The following SLX4IP variants were observed in gnomAD, a reference collection of about 807,000 sequenced individuals.
SLX4IP encodes protein SLX4IP.
SLX4IP carries 34 observed loss-of-function variants against 32.9 expected under a neutral mutation model. The ratio of observed to expected loss-of-function variants is 1.03; its 90% CI spans 0.79 to 1.38. The LOEUF (loss-of-function observed/expected upper bound fraction) is 1.38. SLX4IP is among the 40% of genes most tolerant of loss of function. The probability of loss-of-function intolerance (pLI) is 0.00; values close to 1 mark genes in which losing one functional copy is unlikely to be tolerated. For missense variants in SLX4IP, 444 were observed against 479.0 expected, an observed-to-expected ratio of 0.93 and a Z score of 0.68; for synonymous variants, 172 against 171.7, an observed-to-expected ratio of 1.00 and a Z score of -0.01.
intron 2 of SLX4IP, among the ~76,000 whole-genome samples, chr20:10,543,387 G>T (rs540421199): frequency 5.9e-5 from 9 of 152,312 alleles, no homozygotes; most frequent in Non-Finnish European, 1.3e-4. Flanking sequence ...TAGGCAATTG[G>T]ATATATGCCT....
Position 10,622,819 on chromosome 20 carries a change from A to G in SLX4IP, c.667A>G (p.Lys223Glu). 6.2e-7 allele frequency: 1 copy of G among 1,614,166 alleles called. No individual in the cohort carries two copies. Among genetic ancestry groups the G allele is most frequent in the East Asian group, 2.2e-5 (1 of 44,870 alleles). The stretch of plus-strand genomic sequence containing the variant: ...CCCATCAGAATCCATGGGACAAGCA[A>G]AGGATTCCATAAAGGCAGCTGAGAG... The part of the protein sequence containing the change: ...SPPSESMGQA[K>E]DSIKAAESHW... Residue 223 changes from lysine to glutamate, a missense_variant, in exon 8 of 8, where the codon AAG (lysine) becomes GAG (glutamate). Physicochemically the swap from Lys to Glu is moderately conservative, Grantham distance 56 (BLOSUM62 1). Transcript: ENST00000334534.
At chr20:10,475,112 C>T (rs2065463988) in intron 2 of SLX4IP, among the ~76,000 whole-genome samples, 1 of 152,214 alleles carries the variant, frequency 6.6e-6, no homozygotes, top group African/African-American at 2.4e-5. Flanking sequence ...TCAGGGCTTT[C>T]AGCAGAGTTC....
chr20:10,563,538 G>C (rs556724545), intron 4 of SLX4IP, among the ~76,000 whole-genome samples: 2 of 151,986 alleles, frequency 1.3e-5, no homozygotes, highest in African/African-American at 4.8e-5. Flanking sequence ...TTAGTTTTTG[G>C]GTCTTAAATT....
chr20:10,526,586 C>G (rs2065942226), intron 2 of SLX4IP, among the ~76,000 whole-genome samples: 1 of 152,110 alleles, frequency 6.6e-6, no homozygotes, highest in South Asian at 2.1e-4. Flanking sequence ...GATGACATAA[C>G]AAATTGCCAC....
At chr20:10,453,688 A>G (rs935690715) in intron 1 of SLX4IP, among the ~76,000 whole-genome samples, 3 of 151,182 alleles carry the variant, frequency 2.0e-5, no homozygotes, top group African/African-American at 4.9e-5. Flanking sequence ...ACCAATTCTG[A>G]CTCCTGATCC....
intron 4 of SLX4IP, among the ~76,000 whole-genome samples, chr20:10,579,867 A>G (rs146276915): frequency 0.01 from 1,574 of 152,098 alleles, 28 homozygotes; most frequent in African/African-American, 0.036. Context: ...CAAAGCTGGC[A>G]TTTACTAGTT....
intron 2 of SLX4IP, among the ~76,000 whole-genome samples, chr20:10,465,405 T>C (rs1020323053): frequency 6.6e-6 from 1 of 152,176 alleles, no homozygotes; most frequent in African/African-American, 2.4e-5. Context: ...GAGGGTTGAG[T>C]AGTTGAAACA....
chr20:10,527,850 G>C lies in SLX4IP; in HGVS notation c.28-28381G>C, dbSNP rs182571211. ...CAAAAAAAGATTGACGCACATTTAAGATTATTCATTAATATAATTACTCCT... is the reference window on the plus strand; with the variant it reads ...CAAAAAAAGATTGACGCACATTTAACATTATTCATTAATATAATTACTCCT... On this transcript the variant is annotated intron_variant, in intron 2 of 7. Transcript: ENST00000334534. Among the ~76,000 whole-genome samples the C allele has an allele frequency of 3.9e-5, 6 of 152,260 alleles. No homozygotes were observed. The East Asian group carries it at 1.2e-3, about 29-fold the overall frequency.
chr20:10,600,923 C>G (rs910419250), intron 5 of SLX4IP, among the ~76,000 whole-genome samples: 1 of 152,190 alleles, frequency 6.6e-6, no homozygotes, highest in Non-Finnish European at 1.5e-5. Flanking sequence ...ATCAGCTTAG[C>G]ATCACTCCAG....
chr20:10,499,644 C>T (rs2065699213), intron 2 of SLX4IP, among the ~76,000 whole-genome samples: 2 of 151,982 alleles, frequency 1.3e-5, no homozygotes, highest in South Asian at 2.1e-4. Flanking sequence ...TTTTGATGTC[C>T]GTGAAAATGC....
rs546492032 is a variant in SLX4IP at position 10,623,579 on chromosome 20, G to C, written c.*200G>C. On this transcript the variant is annotated 3_prime_UTR_variant, in exon 8 of 8. Transcript: ENST00000334534. Reference sequence around the variant, plus strand: ...GAGGCTATATGCTTGTTCTAACAGCGTTGCTTCTTTATCATTGTATTTTAT... The same window carrying C: ...GAGGCTATATGCTTGTTCTAACAGCCTTGCTTCTTTATCATTGTATTTTAT... 1 of 700,922 alleles carries C rather than the reference G, an allele frequency of 1.4e-6. No homozygotes were observed. The highest frequency in any genetic ancestry group is 1.8e-5 in the African/African-American group (1 of 55,848). The allele number at this position is 700,922 out of a possible 1,614,324, so 43.4% of individuals were successfully genotyped here. A position where few individuals can be genotyped will look rare whatever the true frequency, so the allele number is the denominator to read the frequency against.
intron 4 of SLX4IP, among the ~76,000 whole-genome samples, chr20:10,596,996 A>T: frequency 6.6e-6 from 1 of 152,248 alleles, no homozygotes; most frequent in Non-Finnish European, 1.5e-5. Context: ...CCTTTCATAG[A>T]TGTCACTGTT....
chr20:10,485,540 C>T (rs1012904617), intron 2 of SLX4IP, among the ~76,000 whole-genome samples: 4 of 151,858 alleles, frequency 2.6e-5, no homozygotes, highest in African/African-American at 9.7e-5. Flanking sequence ...TCGCTTGAAC[C>T]CAGGAGGTGG....
At chr20:10,565,384 T>G (rs578050810) in intron 4 of SLX4IP, among the ~76,000 whole-genome samples, 1 of 152,272 alleles carries the variant, frequency 6.6e-6, no homozygotes, top group East Asian at 1.9e-4. Flanking sequence ...GCCTCAGCCA[T>G]GAGTCGGGGA....
intron 2 of SLX4IP, among the ~76,000 whole-genome samples, chr20:10,461,729 C>T (rs1486702259): frequency 6.6e-6 from 1 of 152,178 alleles, no homozygotes; most frequent in Non-Finnish European, 1.5e-5. Flanking sequence ...TGCTGTGTGG[C>T]CAGTGGCCAA....
intron 1 of SLX4IP, among the ~76,000 whole-genome samples, chr20:10,452,612 G>A (rs560779559): frequency 3.3e-4 from 49 of 149,876 alleles, no homozygotes; most frequent in African/African-American, 1.2e-3. Flanking sequence ...GTTGCAGTGA[G>A]CTGAGATCAC....
intron 2 of SLX4IP, among the ~76,000 whole-genome samples, chr20:10,471,650 G>T (rs768492754): frequency 1.3e-5 from 2 of 152,198 alleles, no homozygotes; most frequent in African/African-American, 4.8e-5. Flanking sequence ...AAGTCAGCTA[G>T]CCTCTTTTGT....
rs754204403 is a variant in SLX4IP, at chr20:10,623,031, A to G, written c.879A>G (p.Gln293=). The change falls in exon 8 of 8, where the codon CAA becomes CAG. Residue 293 remains glutamine (Q), a synonymous_variant. Transcript: ENST00000334534. The part of the protein sequence containing the change: ...PKQSPRVAKT[Q]QKRRNCSSAE... ...AAAGTCCACGAGTGGCCAAAACCCA[A>G]CAGAAACGCAGGAACTGCAGCTCTG... 2 of 1,614,144 alleles carry G rather than the reference A, an allele frequency of 1.2e-6. No homozygotes were observed. The highest frequency in any genetic ancestry group is 1.1e-5 in the South Asian group (1 of 91,082).
chr20:10,518,309 C>T (rs6077823), intron 2 of SLX4IP, among the ~76,000 whole-genome samples: 2 of 152,300 alleles, frequency 1.3e-5, no homozygotes, highest in Admixed American at 1.3e-4. Context: ...CTCTGGATGA[C>T]CATTCTCCAC....
Sources: gnomAD v4.1 joint callset for allele counts (sites outside exome capture counted in the v4.1 genomes callset) on GRCh38, gnomAD v4.1.1 for gene constraint, MANE v1.5 for transcripts, NCBI Gene and HGNC (gene_info 2026-07-23, HGNC 2026-07-21) for gene names.